The following EIF4E variants were observed in gnomAD, a reference collection of about 807,000 sequenced individuals.
EIF4E encodes eIF-4F 25 kDa subunit.
For synonymous variants in EIF4E, 71 were observed against 88.5 expected, an observed-to-expected ratio of 0.80 and a Z score of 1.11; for missense variants, 113 against 265.6, an observed-to-expected ratio of 0.43 and a Z score of 3.99.
chr4:98,924,907 T>C (rs918212412), intron 1 of EIF4E, among the ~76,000 whole-genome samples: 20 of 152,210 alleles, frequency 1.3e-4, no homozygotes, highest in Non-Finnish European at 1.9e-4. Context: ...TATATTTTTT[T>C]CTTTTAATTG....
intron 2 of EIF4E, among the ~76,000 whole-genome samples, chr4:98,892,974 C>T (rs1724219759): frequency 6.6e-6 from 1 of 152,030 alleles, no homozygotes; most frequent in Non-Finnish European, 1.5e-5. Flanking sequence ...TATATAGAGG[C>T]ATACCTTGGA....
chr4:98,915,056 G>A (rs924499110), intron 1 of EIF4E, among the ~76,000 whole-genome samples: 2 of 152,122 alleles, frequency 1.3e-5, no homozygotes, highest in South Asian at 2.1e-4. Context: ...CAATCCTCCC[G>A]CCTCAGCCTT....
intron 1 of EIF4E, among the ~76,000 whole-genome samples, chr4:98,918,380 GA>G (rs1016712663): frequency 1.4e-3 from 199 of 140,652 alleles, no homozygotes; most frequent in South Asian, 5.0e-3. Flanking sequence ...AAAAAAGAAA[GA>G]AAAAAAAATT....
chr4:98,926,460 T>C (rs1725871823), intron 1 of EIF4E: 1 of 152,244 alleles, frequency 6.6e-6, no homozygotes, highest in Admixed American at 6.6e-5. Flanking sequence ...GAGAATCGAT[T>C]GAACCCAGGA....
intron 1 of EIF4E, among the ~76,000 whole-genome samples, chr4:98,913,471 C>G (rs1293755714): frequency 6.6e-6 from 1 of 152,108 alleles, no homozygotes; most frequent in Non-Finnish European, 1.5e-5. Flanking sequence ...GCATGAGCCA[C>G]CATGCCCAGC....
In EIF4E at chr4:98,887,152, C is replaced by G; in HGVS notation, c.326G>C (p.Arg109Pro). 1.9e-6 allele frequency: 3 copies of G among 1,614,032 alleles called. No homozygotes were observed. Among genetic ancestry groups the G allele is most frequent in the Non-Finnish European group, 2.5e-6 (3 of 1,179,918 alleles). ...CAATGTAATTAGCCATCGTCCTCCC[C>G]GTTTGTTTTTCTCATCTTCCCACAT... ...EPMWEDEKNK[R>P]GGRWLITLNK... The change falls in exon 5 of 7, where the codon CGG becomes CCG. Residue 109 changes from arginine to proline, a missense_variant. Physicochemically the swap from Arg to Pro is moderately radical, Grantham distance 103. Transcript: ENST00000450253. The surrounding 1 kb of genome is among the most constrained non-coding windows in gnomAD (Gnocchi z 4.0).
At chr4:98,924,083 T>G (rs1725770594) in intron 1 of EIF4E, among the ~76,000 whole-genome samples, 1 of 143,812 alleles carries the variant, frequency 7.0e-6, no homozygotes, top group Non-Finnish European at 1.5e-5. Context: ...TTTTGTTTAT[T>G]TTTTTTTTTT....
chr4:98,882,925 A>T lies in EIF4E; in HGVS notation c.540-1783T>A, dbSNP rs528872138. On this transcript the variant is annotated intron_variant, in intron 6 of 6. Transcript: ENST00000450253. ...CAAATCAACTCTTTTCTCTTATGGA[A>T]CCCCATATAGCATGAAATGTAGAAA... Among the ~76,000 whole-genome samples the T allele has an allele frequency of 1.3e-4, 20 of 152,290 alleles. No individual in the cohort carries two copies. In the South Asian group the frequency reaches 2.9e-3, roughly 22 times the overall value.
chr4:98,908,813 G>C (rs901036292), intron 1 of EIF4E, among the ~76,000 whole-genome samples: 1 of 152,086 alleles, frequency 6.6e-6, no homozygotes. Flanking sequence ...CCACTCTTCA[G>C]ACAAATCTGA....
intron 1 of EIF4E, among the ~76,000 whole-genome samples, chr4:98,916,376 T>A (rs894062447): frequency 1.3e-5 from 2 of 149,486 alleles, no homozygotes; most frequent in African/African-American, 4.9e-5. Context: ...AAAATGAAGG[T>A]TGAAAAATAA....
chr4:98,896,667 C>CAA lies in EIF4E; in HGVS notation c.125+5207_125+5208dup, dbSNP rs61329973. The stretch of plus-strand genomic sequence containing the variant: ...CGACAGAATGGGACCATGTCTCTTC[C>CAA]AAAAAAAAAAAAAAAAAAAAAAAAA... On this transcript the variant is annotated intron_variant, in intron 2 of 6. Coordinates refer to ENST00000450253, the MANE Select transcript of EIF4E (RefSeq NM_001968.5). Among the ~76,000 whole-genome samples the CAA allele has an allele frequency of 2.2e-3, 106 of 47,674 alleles. 9 individuals are homozygous for CAA. The highest frequency in any genetic ancestry group is 3.1e-3 in the Non-Finnish European group (80 of 25,852). The allele number at this position is 47,674 out of a possible 152,430, so 31.3% of individuals were successfully genotyped here.
intron 1 of EIF4E, among the ~76,000 whole-genome samples, chr4:98,919,644 C>T (rs1039296233): frequency 5.3e-5 from 8 of 151,060 alleles, no homozygotes; most frequent in African/African-American, 9.7e-5. Flanking sequence ...CTGCAACCTC[C>T]GCCTCCCAGG....
chr4:98,884,018 AAC>A (rs1305437891), intron 6 of EIF4E, among the ~76,000 whole-genome samples: 4 of 150,324 alleles, frequency 2.7e-5, no homozygotes, highest in African/African-American at 7.4e-5. Flanking sequence ...TTGCCTGAAT[AAC>A]ACAGTGAGAC....
At chr4:98,903,668 A>G (rs1724743239) in intron 1 of EIF4E, among the ~76,000 whole-genome samples, 1 of 152,152 alleles carries the variant, frequency 6.6e-6, no homozygotes, top group Non-Finnish European at 1.5e-5. Flanking sequence ...CTATAAAGTC[A>G]CCCAGAACGG....
At chr4:98,891,412 G>A in intron 2 of EIF4E, 80 bp from the exon 3 acceptor site, 1 of 1,302,470 alleles carries the variant, frequency 7.7e-7, no homozygotes, top group Admixed American at 2.0e-5. Context: ...AAGTCAAAAG[G>A]TAGAAGCAAC....
chr4:98,892,130 T>G (rs1339959602), intron 2 of EIF4E, among the ~76,000 whole-genome samples: 4 of 151,622 alleles, frequency 2.6e-5, no homozygotes, highest in Non-Finnish European at 5.9e-5. Flanking sequence ...GCGGATCACC[T>G]GAGGTTGGGA....
At position 98,896,678 on chromosome 4, in the gene EIF4E, A is replaced by T. The variant is rs983475912; in HGVS notation, c.125+5198T>A. 7.1e-4 allele frequency among the ~76,000 whole-genome samples: 100 copies of T among 140,852 alleles called. 1 individual carries two copies. Among genetic ancestry groups the T allele is most frequent in the South Asian group, 5.8e-3 (26 of 4,478 alleles). 92.4% of individuals were successfully genotyped at this position (140,852 alleles called of 152,430 possible). ...GACCATGTCTCTTCCAAAAAAAAAA[A>T]AAAAAAAAAAAAAAAAAAGCCAGGC... On this transcript the variant is annotated intron_variant, in intron 2 of 6. Transcript: ENST00000450253.
chr4:98,912,160 G>A (rs1419359609), intron 1 of EIF4E, among the ~76,000 whole-genome samples: 1 of 151,380 alleles, frequency 6.6e-6, no homozygotes, highest in East Asian at 1.9e-4. Flanking sequence ...GCTGAAGCAG[G>A]AGAATCACTT....
At chr4:98,908,185 AC>A (rs1225825010) in intron 1 of EIF4E, among the ~76,000 whole-genome samples, 1 of 151,730 alleles carries the variant, frequency 6.6e-6, no homozygotes, top group Admixed American at 6.6e-5. Context: ...CCTTCACCCC[AC>A]CCCCAATCAT....
Sources: gnomAD v4.1 joint callset for allele counts (sites outside exome capture counted in the v4.1 genomes callset) on GRCh38, gnomAD v4.1.1 for gene constraint, Gnocchi (gnomAD v3.1) non-coding constraint, MANE v1.5 for transcripts, NCBI Gene and HGNC (gene_info 2026-07-23, HGNC 2026-07-21) for gene names.